The following GLIS3 variants were observed in gnomAD, a reference collection of about 807,000 sequenced individuals.
GLIS3 encodes the protein GLIS family zinc finger 3, also known as zinc finger protein GLIS3.
In GLIS3, 53 loss-of-function variants were observed where a neutral mutation model predicts 78.6. The observed-to-expected ratio is 0.67, with a 90% confidence interval of 0.54 to 0.85. The LOEUF (loss-of-function observed/expected upper bound fraction) is 0.85, where lower values mean the gene tolerates loss of function less well. GLIS3 is among the 40% of genes least tolerant of loss of function. The pLI is 0.00. For missense variants in GLIS3, 1,703 were observed against 1,231.1 expected, an observed-to-expected ratio of 1.38 and a Z score of -5.74; for synonymous variants, 684 against 509.9, an observed-to-expected ratio of 1.34 and a Z score of -4.60.
At chr9:4,483,448 G>A in the GLIS3 span, among the ~76,000 whole-genome samples, 17 of 151,988 alleles carry the variant, frequency 1.1e-4, no homozygotes, top group African/African-American at 2.2e-4. Context: ...GGCTGGGTGC[G>A]GTGGCTCACG....
chr9:3,957,327 T>C (rs529687478), intron 4 of GLIS3, among the ~76,000 whole-genome samples: 3 of 152,380 alleles, frequency 2.0e-5, no homozygotes, highest in South Asian at 4.1e-4. Context: ...CCTAGCCGAT[T>C]AATGTCTTTG....
chr9:3,989,679 A>C (rs1784587521), intron 4 of GLIS3, among the ~76,000 whole-genome samples: 1 of 152,192 alleles, frequency 6.6e-6, no homozygotes, highest in Admixed American at 6.5e-5. Context: ...TAAATGAAAA[A>C]AATTACTACT....
At position 4,286,374 on chromosome 9, in the gene GLIS3, G is replaced by C; in HGVS notation, c.52C>G (p.Gln18Glu). ...TGACCACTGACCATCCTAGGCCCCT[G>C]TGGGGTTCCCGATGTCCGGTGGAGA... ...MSLHRTSGTP[Q>E]GPRMVSGHHI... The change falls in exon 2 of 11, where the codon CAG becomes GAG. Residue 18 changes from glutamine (Q) to glutamate (E), a missense_variant. Coordinates refer to ENST00000381971, the MANE Select transcript of GLIS3 (RefSeq NM_001042413.2). 2 of 1,614,214 alleles carry C rather than the reference G, an allele frequency of 1.2e-6. No homozygotes were observed. Among genetic ancestry groups the C allele is most frequent in the Non-Finnish European group, 1.7e-6 (2 of 1,180,042 alleles).
the GLIS3 span, among the ~76,000 whole-genome samples, chr9:4,439,420 C>A: frequency 1.3e-5 from 2 of 152,132 alleles, no homozygotes; most frequent in African/African-American, 2.4e-5. Context: ...CTCTTCTTCT[C>A]CTCCTATCTT....
intron 2 of GLIS3, among the ~76,000 whole-genome samples, chr9:4,339,771 C>A (rs1191450109): frequency 7.3e-5 from 1 of 13,706 alleles, no homozygotes; most frequent in African/African-American, 4.0e-4. Flanking sequence ...AAAACGTGCC[C>A]AGAGAACCAG....
chr9:3,981,897 A>G (rs1819319141), intron 4 of GLIS3, among the ~76,000 whole-genome samples: 1 of 152,086 alleles, frequency 6.6e-6, no homozygotes, highest in Non-Finnish European at 1.5e-5. Flanking sequence ...GCTACTTCAA[A>G]AGTTTCTGGA....
At chr9:4,380,713 C>G in the GLIS3 span, among the ~76,000 whole-genome samples, 2 of 152,240 alleles carry the variant, frequency 1.3e-5, no homozygotes, top group Admixed American at 6.5e-5. Context: ...CATTACCAAT[C>G]AAATATGAAC....
chr9:4,237,118 C>T (rs1250673954), intron 2 of GLIS3, among the ~76,000 whole-genome samples: 1 of 93,948 alleles, frequency 1.1e-5, no homozygotes, highest in Non-Finnish European at 2.9e-5. Flanking sequence ...ACTTCCTTCA[C>T]TGATTTATTT....
chr9:3,940,801 A>G (rs1340984678), intron 4 of GLIS3, among the ~76,000 whole-genome samples: 2 of 152,168 alleles, frequency 1.3e-5, no homozygotes, highest in Admixed American at 6.5e-5. Flanking sequence ...GCTCCTTGCT[A>G]GAAAATTTCC....
chr9:4,049,624 G>C (rs1272415581), intron 4 of GLIS3, among the ~76,000 whole-genome samples: 1 of 152,128 alleles, frequency 6.6e-6, no homozygotes, highest in Non-Finnish European at 1.5e-5. Flanking sequence ...TCCTGCATAA[G>C]AATCTTCGGA....
chr9:3,932,711 CT>C, intron 5 of GLIS3: 1 of 469,312 alleles, frequency 2.1e-6, no homozygotes, highest in Non-Finnish European at 4.0e-6. Context: ...TAAGAGATTG[CT>C]TTAGTGTGTG....
intron 2 of GLIS3, among the ~76,000 whole-genome samples, chr9:4,260,115 C>T (rs746972431): frequency 2.5e-4 from 38 of 152,342 alleles, no homozygotes; most frequent in Non-Finnish European, 5.1e-4. Context: ...TACCCTTCAG[C>T]TGACCAGGTG....
intron 2 of GLIS3, among the ~76,000 whole-genome samples, chr9:4,242,037 G>A (rs1436211753): frequency 2.0e-5 from 3 of 152,088 alleles, no homozygotes; most frequent in African/African-American, 7.2e-5. Context: ...CTTCTTACAT[G>A]TTAGAATAAA....
intron 2 of GLIS3, among the ~76,000 whole-genome samples, chr9:4,280,715 T>C (rs1018219001): frequency 6.6e-6 from 1 of 152,064 alleles, no homozygotes; most frequent in African/African-American, 2.4e-5. Flanking sequence ...AGTTGTTCTT[T>C]TTCTCTTTTG....
intron 10 of GLIS3, 41 bp from the exon 11 acceptor site, chr9:3,828,449 C>T (rs770369511): frequency 6.8e-6 from 11 of 1,609,664 alleles, no homozygotes; most frequent in African/African-American, 1.3e-5. Context: ...AACTCCTGCC[C>T]CATGCCACGC....
At chr9:3,859,661 T>G (rs757917316) in intron 8 of GLIS3, among the ~76,000 whole-genome samples, 6 of 152,152 alleles carry the variant, frequency 3.9e-5, no homozygotes, top group Non-Finnish European at 8.8e-5. Context: ...TCTGACATCT[T>G]TTCTAGGTCC....
At chr9:3,877,708 G>T (rs368915728) in intron 8 of GLIS3, among the ~76,000 whole-genome samples, 98 of 152,186 alleles carry the variant, frequency 6.4e-4, no homozygotes, top group Middle Eastern at 3.4e-3. Context: ...TAGTAATTCT[G>T]CCTCCTAAAT....
At chr9:3,855,399 G>T (rs1220241995) in intron 9 of GLIS3, 1 of 155,534 alleles carries the variant, frequency 6.4e-6, no homozygotes, top group Non-Finnish European at 1.4e-5. Context: ...ATAATTTTCT[G>T]ATGGGTCAGA....
intron 2 of GLIS3, among the ~76,000 whole-genome samples, chr9:4,173,295 G>A (rs1356289007): frequency 6.6e-6 from 1 of 152,032 alleles, no homozygotes; most frequent in African/African-American, 2.4e-5. Flanking sequence ...TAATGCCTTC[G>A]AGCTCAGCAA....
Sources: gnomAD v4.1 joint callset for allele counts (sites outside exome capture counted in the v4.1 genomes callset) on GRCh38, gnomAD v4.1.1 for gene constraint, MANE v1.5 for transcripts, NCBI Gene and HGNC (gene_info 2026-07-23, HGNC 2026-07-21) for gene names.